The following SORCS2 variants were observed in gnomAD, a reference collection of about 807,000 sequenced individuals.
The protein encoded by SORCS2 is VPS10 domain-containing receptor SorCS2.
A neutral mutation model predicts 141.6 loss-of-function variants in SORCS2; 100 were observed. The observed-to-expected ratio is 0.71, with a 90% CI of 0.60 to 0.83. SORCS2 has a LOEUF of 0.83. Among genes scored for constraint, SORCS2 ranks in the 40% least tolerant of loss-of-function variants. The probability of loss-of-function intolerance (pLI) is 0.00; values close to 1 mark genes in which losing one functional copy is unlikely to be tolerated. For missense variants in SORCS2, 1,646 were observed against 1,560.2 expected (o/e 1.05, Z -0.93); for synonymous variants, 789 against 676.9 (o/e 1.17, Z -2.57).
At chr4:7,227,118 C>A (rs1337938781) in intron 1 of SORCS2, among the ~76,000 whole-genome samples, 1 of 152,184 alleles carries the variant, frequency 6.6e-6, no homozygotes, top group Admixed American at 6.5e-5. Flanking sequence ...TGCACTTGTG[C>A]GTGCTCACAC....
At chr4:7,598,699 C>T (rs1717448040) in intron 3 of SORCS2, among the ~76,000 whole-genome samples, 1 of 152,184 alleles carries the variant, frequency 6.6e-6, no homozygotes, top group Non-Finnish European at 1.5e-5. Context: ...TAAGCTTTCC[C>T]CATGAAAACC....
intron 2 of SORCS2, among the ~76,000 whole-genome samples, chr4:7,450,395 G>T (rs566333942): frequency 2.0e-4 from 30 of 152,324 alleles, no homozygotes; most frequent in African/African-American, 6.7e-4. Flanking sequence ...TGGGCCCCCA[G>T]GTCCTCCAGA....
At chr4:7,653,984 T>A (rs939828511) in intron 4 of SORCS2, 150 bp from the exon 5 acceptor site, 11 of 734,980 alleles carry the variant, frequency 1.5e-5, no homozygotes, top group South Asian at 3.6e-5. Flanking sequence ...TTGGTCTGCA[T>A]CCCAGCATGA....
intron 4 of SORCS2, among the ~76,000 whole-genome samples, chr4:7,652,158 G>A (rs910786522): frequency 3.9e-5 from 6 of 152,152 alleles, no homozygotes; most frequent in Non-Finnish European, 7.4e-5. Context: ...CACCCGACAC[G>A]CTGCTGTGCC....
rs796514506 is a variant in SORCS2 at position 7,231,908 on chromosome 4, G to T, written c.480+38782G>T. Among the ~76,000 whole-genome samples, 69 of 152,316 alleles carry T rather than the reference G, an allele frequency of 4.5e-4. 1 individual carries two copies. Among genetic ancestry groups the T allele is most frequent in the African/African-American group, 1.6e-3 (67 of 41,564 alleles). On this transcript the variant is annotated intron_variant, in intron 1 of 26. Transcript: ENST00000507866. ...ACCCAGGCTCTCGGGGTGGGGATGA[G>T]ACTGGGGTGGGGCTTGGGCTGGATC...
chr4:7,373,856 C>G (rs1722438303), intron 1 of SORCS2, among the ~76,000 whole-genome samples: 1 of 152,206 alleles, frequency 6.6e-6, no homozygotes. Flanking sequence ...TCCTCCCAGT[C>G]TGTGGCTTTT....
intron 2 of SORCS2, among the ~76,000 whole-genome samples, chr4:7,459,719 C>T (rs558864647): frequency 1.3e-5 from 2 of 152,334 alleles, no homozygotes; most frequent in Admixed American, 1.3e-4. Flanking sequence ...AGTGTCCCAT[C>T]TCCAGACAAG....
intron 2 of SORCS2, among the ~76,000 whole-genome samples, chr4:7,454,177 GCGCTGTGTTGGGGTC>G: frequency 1.5e-5 from 2 of 137,144 alleles, no homozygotes; most frequent in Non-Finnish European, 1.5e-5. Context: ...TTGGGGTCAG[GCGCTGTGTTGGGGTC>G]AGGTGCTGTG....
chr4:7,306,863 CG>C (rs1186120319), intron 1 of SORCS2, among the ~76,000 whole-genome samples: 7 of 152,176 alleles, frequency 4.6e-5, no homozygotes, highest in Non-Finnish European at 1.0e-4. Flanking sequence ...AGGCAGGCAG[CG>C]TTGTGGGCGA....
intron 1 of SORCS2, among the ~76,000 whole-genome samples, chr4:7,327,945 C>T (rs111457580): frequency 1.6e-4 from 25 of 151,590 alleles, no homozygotes; most frequent in African/African-American, 5.3e-4. Flanking sequence ...TACTATGACA[C>T]GTCTCAGGAA....
chr4:7,339,268 G>A (rs1720221930), intron 1 of SORCS2, among the ~76,000 whole-genome samples: 2 of 152,238 alleles, frequency 1.3e-5, no homozygotes, highest in Admixed American at 6.5e-5. Flanking sequence ...TGTGGGACAG[G>A]AGGCACCAGT....
intron 2 of SORCS2, among the ~76,000 whole-genome samples, chr4:7,470,861 C>G (rs1729932924): frequency 6.6e-6 from 1 of 152,210 alleles, no homozygotes; most frequent in South Asian, 2.1e-4. Flanking sequence ...AAGCAGTGCC[C>G]AGGACCTGGA....
chr4:7,604,993 G>T (rs974380206), intron 3 of SORCS2, among the ~76,000 whole-genome samples: 1 of 152,178 alleles, frequency 6.6e-6, no homozygotes, highest in East Asian at 1.9e-4. Flanking sequence ...TTTCAGCCAC[G>T]AATAATGTAA....
Position 7,606,541 on chromosome 4 carries a change from C to T in SORCS2, c.649-31787C>T, listed in dbSNP as rs16840614. Among the ~76,000 whole-genome samples the T allele has an allele frequency of 7.1e-3, 1,081 of 152,122 alleles. 16 individuals carry two copies. The highest frequency in any genetic ancestry group is 0.024 in the African/African-American group (1,016 of 41,490). ...TTTCCAGAGCTCCTCTGTCAGATGT[C>T]GGGCTGCTAAGAACATGTAGCTCCT... On this transcript the variant is annotated intron_variant, in intron 3 of 26. Coordinates refer to ENST00000507866, the MANE Select transcript of SORCS2 (RefSeq NM_020777.3).
chr4:7,705,170 G>A (rs948855609), intron 14 of SORCS2, among the ~76,000 whole-genome samples: 1 of 152,168 alleles, frequency 6.6e-6, no homozygotes, highest in Admixed American at 6.5e-5. Context: ...GGCCTTGGGG[G>A]AGGAGGCCGG....
At chr4:7,311,414 T>C (rs1718176975) in intron 1 of SORCS2, among the ~76,000 whole-genome samples, 2 of 152,204 alleles carry the variant, frequency 1.3e-5, no homozygotes, top group South Asian at 4.1e-4. Context: ...CCTGTCTTCA[T>C]TTCTCTCGGG....
intron 24 of SORCS2, 131 bp from the exon 25 acceptor site, chr4:7,734,141 C>T (rs974658282): frequency 8.9e-5 from 54 of 609,126 alleles, no homozygotes; most frequent in Non-Finnish European, 2.2e-5. Context: ...GGGCCAGGGA[C>T]AGGCAGGGGA....
At chr4:7,662,865 G>A (rs1017798940) in intron 6 of SORCS2, among the ~76,000 whole-genome samples, 5 of 152,244 alleles carry the variant, frequency 3.3e-5, no homozygotes, top group African/African-American at 1.2e-4. Flanking sequence ...AGCCTGAGAG[G>A]TGGCCCTGGT....
intron 3 of SORCS2, among the ~76,000 whole-genome samples, chr4:7,587,292 C>T (rs559760488): frequency 2.2e-4 from 33 of 152,192 alleles, no homozygotes; most frequent in Non-Finnish European, 3.5e-4. Flanking sequence ...AGCCTGGCTG[C>T]CACTCTGCTC....
Sources: gnomAD v4.1 joint callset for allele counts (sites outside exome capture counted in the v4.1 genomes callset) on GRCh38, gnomAD v4.1.1 for gene constraint, MANE v1.5 for transcripts, NCBI Gene and HGNC (gene_info 2026-07-23, HGNC 2026-07-21) for gene names.